Variants in STARD8 observed in about 807,000 individuals in gnomAD.
STARD8 encodes StAR related lipid transfer domain containing 8, also known as stAR-related lipid transfer protein 8.
Under a neutral mutation model 69.4 loss-of-function variants are expected in STARD8, and 25 were observed. That is an observed-to-expected ratio of 0.36 (90% CI 0.26 to 0.50). The LOEUF is 0.50. Among genes scored for constraint, STARD8 ranks in the 20% least tolerant of loss-of-function variants. The pLI is 0.96. For missense variants in STARD8, 921 were observed against 932.5 expected, an observed-to-expected ratio of 0.99 and a Z score of 0.16; for synonymous variants, 389 against 374.6, an observed-to-expected ratio of 1.04 and a Z score of -0.45.
Position 68,681,030 on chromosome X carries a change from T to C in STARD8, c.79+15498T>C, listed in dbSNP as rs186474734. On this transcript the variant is annotated intron_variant, in intron 2 of 14. Coordinates refer to ENST00000374599, the MANE Select transcript of STARD8 (RefSeq NM_001142503.3). ...AGCTGATGTTCACATCTAAGGCTGTTTTGAGAGTTGCAGTTCTTAGGGGCC... is the reference window on the plus strand; with the variant it reads ...AGCTGATGTTCACATCTAAGGCTGTCTTGAGAGTTGCAGTTCTTAGGGGCC... 1.8e-3 allele frequency among the ~76,000 whole-genome samples: 199 copies of C among 111,241 alleles called. 1 individual carries two copies. The highest frequency in any genetic ancestry group is 5.7e-3 in the African/African-American group (174 of 30,550).
chrX:68,689,586 C>T (rs1457948995), intron 2 of STARD8, among the ~76,000 whole-genome samples: 1 of 112,498 alleles, frequency 8.9e-6, no homozygotes, highest in African/African-American at 3.2e-5. Context: ...TCATGAGCCG[C>T]CCCACACCTG....
Position 68,725,578 on chromosome X carries a change from A to ATATATATGTG in STARD8, c.*1157_*1158insATATATGTGT, listed in dbSNP as rs1187742928. 8 of 94,950 alleles carry ATATATATGTG rather than the reference A, an allele frequency of 8.4e-5. No homozygotes were observed. The highest frequency in any genetic ancestry group is 3.5e-4 in the African/African-American group (8 of 22,743). 7.8% of individuals were successfully genotyped at this position (94,950 alleles called of 1,213,427 possible). On this transcript the variant is annotated 3_prime_UTR_variant, in exon 15 of 15. Transcript: ENST00000374599. ...CTAATATATATATATATATATATAT[A>ATATATATGTG]TGTGTGTGTGTGTGTGTGTGTATAT...
chrX:68,668,047 TC>T (rs1220508750), intron 2 of STARD8, among the ~76,000 whole-genome samples: 8 of 106,979 alleles, frequency 7.5e-5, no homozygotes, highest in Non-Finnish European at 1.4e-4. Flanking sequence ...TCCCTCTTTC[TC>T]TCTCTTTCTT....
At chrX:68,688,497 A>G (rs112179115) in intron 2 of STARD8, among the ~76,000 whole-genome samples, 3,955 of 107,150 alleles carry the variant, frequency 0.037, 177 homozygotes, top group African/African-American at 0.09. Flanking sequence ...GCAGCTGACG[A>G]TGGAACCTGT....
In STARD8 at chrX:68,719,295, C is replaced by G. The variant is rs928904573; in HGVS notation, c.1786C>G (p.Arg596Gly). 1 of 1,209,202 alleles carries G rather than the reference C, an allele frequency of 8.3e-7. No homozygotes were observed. The highest frequency in any genetic ancestry group is 1.1e-6 in the Non-Finnish European group (1 of 894,156). The change falls in exon 7 of 15, where the codon CGG becomes GGG. Residue 596 changes from arginine (R) to glycine (G), a missense_variant. Transcript: ENST00000374599. ...CAACTCAGAGTCGCTGGAGATCAACCGGCAGTTTGCAGGCCAGATCAACCT... is the reference window on the plus strand; with the variant it reads ...CAACTCAGAGTCGCTGGAGATCAACGGGCAGTTTGCAGGCCAGATCAACCT... ...SLNSESLEINRQFAGQINLLH... is the reference protein window; with the variant it reads ...SLNSESLEINGQFAGQINLLH...
chrX:68,661,062 G>A (rs1403438399), intron 1 of STARD8, among the ~76,000 whole-genome samples: 2 of 111,763 alleles, frequency 1.8e-5, no homozygotes, highest in African/African-American at 6.5e-5. Flanking sequence ...TGGGGATGTT[G>A]GAGGTGGTTA....
intron 2 of STARD8, among the ~76,000 whole-genome samples, chrX:68,703,645 C>T (rs1169564183): frequency 8.9e-6 from 1 of 112,085 alleles, no homozygotes; most frequent in Non-Finnish European, 1.9e-5. Context: ...AAGGCATTTC[C>T]TGCCCAGGAG....
intron 1 of STARD8, among the ~76,000 whole-genome samples, chrX:68,654,860 G>C (rs1030029321): frequency 5.4e-5 from 6 of 112,131 alleles, no homozygotes; most frequent in African/African-American, 1.9e-4. Context: ...GAGCAGCCTG[G>C]CAGGATATGG....
intron 2 of STARD8, among the ~76,000 whole-genome samples, chrX:68,677,519 G>A (rs2079773104): frequency 9.0e-6 from 1 of 111,425 alleles, no homozygotes; most frequent in Non-Finnish European, 1.9e-5. Flanking sequence ...GGTGATGCCG[G>A]GGGTATGGAA....
intron 1 of STARD8, among the ~76,000 whole-genome samples, chrX:68,648,453 A>G (rs925050059): frequency 9.0e-6 from 1 of 111,039 alleles, no homozygotes; most frequent in African/African-American, 3.3e-5. Flanking sequence ...GCTAGGCACC[A>G]CTGGAGCTAC....
At chrX:68,663,716 T>C (rs2079664756) in intron 1 of STARD8, among the ~76,000 whole-genome samples, 2 of 111,844 alleles carry the variant, frequency 1.8e-5, no homozygotes, top group Admixed American at 1.9e-4. Context: ...TACTCTCTCA[T>C]CCTTTCTCAT....
intron 2 of STARD8, among the ~76,000 whole-genome samples, chrX:68,709,978 G>T (rs959058348): frequency 2.7e-5 from 3 of 112,380 alleles, no homozygotes; most frequent in Non-Finnish European, 5.6e-5. Flanking sequence ...ACAGCATCAG[G>T]ATTTGAACCC....
Position 68,724,565 on chromosome X carries a change from C to T in STARD8, c.*143C>T, listed in dbSNP as rs370440616. ...GTGGCTCCAGCTGCCTGTCCTGTCC[C>T]CTTTCCTAAAGCTCCTCTGCACATA... On this transcript the variant is annotated 3_prime_UTR_variant, in exon 15 of 15. Transcript: ENST00000374599. The T allele has an allele frequency of 2.1e-6, 1 of 466,040 alleles. No homozygotes were observed. The allele number at this position is 466,040 out of a possible 1,213,427, so 38.4% of individuals were successfully genotyped here.
rs56321178 is a variant in STARD8, at chrX:68,661,943, T to C, written c.46-3556T>C. 7.5e-3 allele frequency among the ~76,000 whole-genome samples: 550 copies of C among 73,788 alleles called. 15 individuals are homozygous for C. The highest frequency in any genetic ancestry group is 0.039 in the African/African-American group (521 of 13,307). The allele number at this position is 73,788 out of a possible 115,157, so 64.1% of individuals were successfully genotyped here. A position where few individuals can be genotyped will look rare whatever the true frequency, so the allele number is the denominator to read the frequency against. ...CTTCCTTCCTTCCCTCCCTCCCTCC[T>C]TCCTCTCTCTCTCTCTCTCTCTCTC... On this transcript the variant is annotated intron_variant, in intron 1 of 14. Transcript: ENST00000374599.
chrX:68,684,837 G>C (rs1253824628), intron 2 of STARD8, among the ~76,000 whole-genome samples: 1 of 112,612 alleles, frequency 8.9e-6, no homozygotes, highest in Non-Finnish European at 1.9e-5. Flanking sequence ...GATCTGCCTT[G>C]GTTCTGAAAC....
intron 1 of STARD8, among the ~76,000 whole-genome samples, chrX:68,650,832 A>T (rs1055006612): frequency 9.3e-6 from 1 of 108,085 alleles, no homozygotes; most frequent in Non-Finnish European, 1.9e-5. Context: ...AAAACAAAAC[A>T]AAACAAAACT....
At chrX:68,686,515 A>G (rs908827469) in intron 2 of STARD8, among the ~76,000 whole-genome samples, 9 of 112,335 alleles carry the variant, frequency 8.0e-5, no homozygotes, top group Admixed American at 6.5e-4. Flanking sequence ...TGGGGTGTGG[A>G]GGGCACCCGG....
chrX:68,706,693 C>T (rs905934856), intron 2 of STARD8, among the ~76,000 whole-genome samples: 1 of 112,771 alleles, frequency 8.9e-6, no homozygotes, highest in African/African-American at 3.2e-5. Flanking sequence ...GGTGGGCAAG[C>T]TTATTTTGGC....
At chrX:68,671,843 G>C (rs1409126784) in intron 2 of STARD8, among the ~76,000 whole-genome samples, 1 of 112,079 alleles carries the variant, frequency 8.9e-6, no homozygotes, top group Non-Finnish European at 1.9e-5. Flanking sequence ...GAGCCCTAGT[G>C]TCCCCTAGTG....
Sources: allele counts gnomAD v4.1 joint callset (sites outside exome capture counted in the v4.1 genomes callset), GRCh38; gene constraint gnomAD v4.1.1; transcripts MANE v1.5; gene names NCBI Gene and HGNC (gene_info 2026-07-23, HGNC 2026-07-21).